ARMH1: variants seen among roughly 807,000 people sequenced by gnomAD.
ARMH1 encodes armadillo-like helical domain containing protein 1.
In ARMH1, 34 loss-of-function variants were observed where a neutral mutation model predicts 50.2. The ratio of observed to expected loss-of-function variants is 0.68; its 90% CI spans 0.51 to 0.90. The LOEUF (loss-of-function observed/expected upper bound fraction) is 0.90. Among genes scored for constraint, ARMH1 ranks in the 40% least tolerant of loss-of-function variants. The pLI is 0.00. For synonymous variants in ARMH1, 221 were observed against 224.2 expected (o/e 0.99, Z 0.13); for missense variants, 538 against 553.9 (o/e 0.97, Z 0.29).
chr1:44,713,508 A>G (rs763623462), intron 6 of ARMH1, among the ~76,000 whole-genome samples: 1 of 152,144 alleles, frequency 6.6e-6, no homozygotes, highest in African/African-American at 2.4e-5. Context: ...AGGCTCTGAC[A>G]CTGAGGGAGA....
intron 3 of ARMH1, 115 bp from the exon 4 acceptor site, chr1:44,697,948 T>C: frequency 1.4e-6 from 1 of 721,552 alleles, no homozygotes. Flanking sequence ...CCTATGGACA[T>C]TTCCTGGATA....
intron 6 of ARMH1, among the ~76,000 whole-genome samples, chr1:44,706,381 G>C (rs1000338593): frequency 2.0e-5 from 3 of 152,172 alleles, no homozygotes; most frequent in Non-Finnish European, 4.4e-5. Context: ...AGGAGACCAG[G>C]ACAGACAGCC....
At chr1:44,721,845 A>G (rs745728997) in intron 6 of ARMH1, 1 of 152,120 alleles carries the variant, frequency 6.6e-6, no homozygotes, top group Non-Finnish European at 1.5e-5. Flanking sequence ...GTTTTTCTCC[A>G]CGGAAATCTT....
intron 6 of ARMH1, among the ~76,000 whole-genome samples, chr1:44,716,545 C>G (rs1646858319): frequency 6.6e-6 from 1 of 152,206 alleles, no homozygotes; most frequent in Non-Finnish European, 1.5e-5. Context: ...GTGGAAAGTA[C>G]CCAGCTGCCC....
At chr1:44,711,708 A>G (rs530760695) in intron 6 of ARMH1, among the ~76,000 whole-genome samples, 16 of 152,300 alleles carry the variant, frequency 1.1e-4, no homozygotes, top group African/African-American at 3.8e-4. Context: ...GTGGGCACTG[A>G]GAGTATAGTG....
At chr1:44,720,197 CAAAAAAAA>C (rs35873369) in intron 6 of ARMH1, among the ~76,000 whole-genome samples, 4 of 69,208 alleles carry the variant, frequency 5.8e-5, no homozygotes, top group Admixed American at 1.6e-4. Flanking sequence ...AACTCTGTCT[CAAAAAAAA>C]AAAAAAAAAA....
At chr1:44,706,054 TG>T (rs1468469436) in intron 6 of ARMH1, among the ~76,000 whole-genome samples, 1 of 152,198 alleles carries the variant, frequency 6.6e-6, no homozygotes, top group African/African-American at 2.4e-5. Context: ...GCACCTTGAA[TG>T]CCATGTAGGT....
At chr1:44,699,303 A>G (rs35300411) in intron 4 of ARMH1, among the ~76,000 whole-genome samples, 43 of 150,310 alleles carry the variant, frequency 2.9e-4, no homozygotes, top group African/African-American at 9.4e-4. Context: ...AAAAAAAAAA[A>G]GGAAATAAAA....
intron 2 of ARMH1, among the ~76,000 whole-genome samples, chr1:44,695,074 A>G (rs1645783132): frequency 6.6e-6 from 1 of 152,132 alleles, no homozygotes; most frequent in Non-Finnish European, 1.5e-5. Flanking sequence ...GCGACACCAC[A>G]CTGGGAGTTC....
chr1:44,678,563 A>C (rs1486360454), intron 1 of ARMH1, among the ~76,000 whole-genome samples: 1 of 152,072 alleles, frequency 6.6e-6, no homozygotes, highest in Non-Finnish European at 1.5e-5. Flanking sequence ...CTTGTTTGGA[A>C]GTTTGAGGAG....
intron 2 of ARMH1, 101 bp downstream of exon 2, chr1:44,690,004 G>A (rs1377938475): frequency 9.7e-7 from 1 of 1,026,928 alleles, no homozygotes; most frequent in East Asian, 2.7e-5. Context: ...CAGATCACAA[G>A]GTCAGGAGTT....
intron 2 of ARMH1, among the ~76,000 whole-genome samples, chr1:44,694,250 G>A (rs903703936): frequency 2.0e-5 from 3 of 152,078 alleles, no homozygotes; most frequent in Non-Finnish European, 2.9e-5. Flanking sequence ...AATAGACTGC[G>A]TGATGTGATA....
At chr1:44,679,848 G>A (rs1276067) in intron 1 of ARMH1, among the ~76,000 whole-genome samples, 152,189 of 152,362 alleles carry the variant, frequency 1, 76,008 homozygotes, top group Middle Eastern at 1. Context: ...TTCAACATCT[G>A]TTTTGTGCCA....
intron 1 of ARMH1, among the ~76,000 whole-genome samples, chr1:44,687,304 C>T (rs770110175): frequency 1.3e-4 from 20 of 152,104 alleles, no homozygotes; most frequent in Non-Finnish European, 2.6e-4. Flanking sequence ...GGATAAAGGC[C>T]CACCCTAATG....
intron 6 of ARMH1, chr1:44,723,910 G>C: frequency 1.8e-6 from 1 of 554,752 alleles, no homozygotes; most frequent in Non-Finnish European, 3.0e-6. Context: ...TCGACAGGTG[G>C]GCTCACCATC....
At position 44,704,105 on chromosome 1, in the gene ARMH1, C is replaced by T. The variant is rs1218155817; in HGVS notation, c.656C>T (p.Thr219Ile). ...TCTGGTCAGCCAATCATTGGGACCA[C>T]ACACCCCAGCATCGTGGACTGCGTG... ...LRTAQPIIGT[T>I]HPSIVDCVLK... The change falls in exon 6 of 12, where the codon ACA becomes ATA. Residue 219 changes from threonine to isoleucine, a missense_variant. Transcript: ENST00000535358. 1.3e-6 allele frequency: 2 copies of T among 1,550,540 alleles called. No individual in the cohort carries two copies. Among genetic ancestry groups the T allele is most frequent in the Non-Finnish European group, 1.7e-6 (2 of 1,146,512 alleles).
chr1:44,707,099 C>T (rs1457640413), intron 6 of ARMH1, among the ~76,000 whole-genome samples: 6 of 151,852 alleles, frequency 4.0e-5, no homozygotes, highest in Admixed American at 2.6e-4. Flanking sequence ...ACCTCCCCTC[C>T]TTTAACCCCC....
chr1:44,702,522 G>T (rs939450626), intron 5 of ARMH1, among the ~76,000 whole-genome samples: 1 of 151,880 alleles, frequency 6.6e-6, no homozygotes, highest in South Asian at 2.1e-4. Context: ...GATCAGCCTG[G>T]CCAGCATGGT....
At chr1:44,686,304 T>C (rs1645470499) in intron 1 of ARMH1, among the ~76,000 whole-genome samples, 1 of 152,250 alleles carries the variant, frequency 6.6e-6, no homozygotes, top group Non-Finnish European at 1.5e-5. Context: ...ATGACAATTA[T>C]TAACTCCAGG....
Sources: allele counts gnomAD v4.1 joint callset (sites outside exome capture counted in the v4.1 genomes callset), GRCh38; gene constraint gnomAD v4.1.1; transcripts MANE v1.5; gene names NCBI Gene and HGNC (gene_info 2026-07-23, HGNC 2026-07-21).